The following GPSM1 variants were observed in gnomAD, a reference collection of about 807,000 sequenced individuals.
The protein encoded by GPSM1 is G protein-signaling modulator 1.
In GPSM1, 48 loss-of-function variants were observed where a neutral mutation model predicts 70.5. The ratio of observed to expected loss-of-function variants is 0.68; its 90% CI spans 0.54 to 0.87. GPSM1 has a LOEUF of 0.87. GPSM1 is among the 40% of genes least tolerant of loss of function. GPSM1 has a pLI of 0.00. For synonymous variants in GPSM1, 416 were observed against 430.1 expected (o/e 0.97, Z 0.41); for missense variants, 981 against 972.6 (o/e 1.01, Z -0.11).
intron 1 of GPSM1, among the ~76,000 whole-genome samples, chr9:136,331,690 C>T (rs1554768520): frequency 1.3e-5 from 2 of 152,198 alleles, no homozygotes; most frequent in African/African-American, 4.8e-5. Context: ...GAGGAGTTGG[C>T]GGGTGACTGA....
At chr9:136,355,960 G>A in intron 12 of GPSM1, 114 bp downstream of exon 12, 1 of 861,372 alleles carries the variant, frequency 1.2e-6, no homozygotes, top group Admixed American at 2.8e-5. Flanking sequence ...CAGGCCAGCT[G>A]CAGAGCACCC....
chr9:136,356,921 C>A (rs1475797091), intron 13 of GPSM1, among the ~76,000 whole-genome samples: 4 of 152,186 alleles, frequency 2.6e-5, no homozygotes, highest in African/African-American at 7.2e-5. Flanking sequence ...AAAACACGGG[C>A]CAGATAGCAC....
Position 136,343,774 on chromosome 9 carries a change from C to T in GPSM1, c.1207+2781C>T, listed in dbSNP as rs1554770734. On this transcript the variant is annotated intron_variant, in intron 9 of 13. Transcript: ENST00000440944. This position sits in a 1 kb window ranked among gnomAD's most constrained non-coding sequence, Gnocchi z 6.0. ...AGCCTGAGGGCCCGTAAGCCTGTTG[C>T]GTTCGGGCCCTGGGTGGACGAGGCA... 6.6e-6 allele frequency among the ~76,000 whole-genome samples: 1 copy of T among 152,184 alleles called. No homozygotes were observed. The highest frequency in any genetic ancestry group is 1.5e-5 in the Non-Finnish European group (1 of 68,028).
At chr9:136,351,883 G>A (rs912037436) in intron 11 of GPSM1, among the ~76,000 whole-genome samples, 4 of 152,258 alleles carry the variant, frequency 2.6e-5, no homozygotes, top group African/African-American at 4.8e-5. Flanking sequence ...AGTAAGGACC[G>A]TCTGCACCCT....
intron 4 of GPSM1, 77 bp downstream of exon 4, chr9:136,337,149 C>CCGGCCTGCTGTCTCCCTGGGAGATTGTGG: frequency 7.5e-7 from 1 of 1,327,376 alleles, no homozygotes; most frequent in Non-Finnish European, 1.0e-6. Flanking sequence ...TCCAGACCCC[C>CCGGCCTGCTGTCTCCCTGGGAGATTGTGG]GACCCCAGCC....
rs1004533254 is a variant in GPSM1 at position 136,340,780 on chromosome 9, C to T, written c.1084-90C>T. On this transcript the variant is annotated intron_variant, in intron 8 of 13. Transcript: ENST00000440944. The surrounding 1 kb of genome is among the most constrained non-coding windows in gnomAD (Gnocchi z 7.3). ...TTCAGGTCACTCAGAAGGTCAGGGACGGGTGTACTGGGGGCCATTAAGGTC... is the reference window on the plus strand; with the variant it reads ...TTCAGGTCACTCAGAAGGTCAGGGATGGGTGTACTGGGGGCCATTAAGGTC... 68 of 1,464,256 alleles carry T rather than the reference C, an allele frequency of 4.6e-5. No homozygotes were observed. Among genetic ancestry groups the T allele is most frequent in the Middle Eastern group, 2.5e-4 (1 of 4,012 alleles). The allele number at this position is 1,464,256 out of a possible 1,614,324, so 90.7% of individuals were successfully genotyped here.
In GPSM1 at chr9:136,341,233, G is replaced by C; in HGVS notation, c.1207+240G>C. The C allele has an allele frequency of 6.6e-7, 1 of 1,513,346 alleles. No homozygotes were observed. The highest frequency in any genetic ancestry group is 8.9e-7 in the Non-Finnish European group (1 of 1,127,286). The allele number at this position is 1,513,346 out of a possible 1,614,324, so 93.7% of individuals were successfully genotyped here. ...GCTGCTGGATGAAGGACAGGAGGTGGTCGCCTGTTGCCCCACTGGCTGCTC... is the reference window on the plus strand; with the variant it reads ...GCTGCTGGATGAAGGACAGGAGGTGCTCGCCTGTTGCCCCACTGGCTGCTC... On this transcript the variant is annotated intron_variant, in intron 9 of 13. Coordinates refer to ENST00000440944, the MANE Select transcript of GPSM1 (RefSeq NM_001145638.3). The surrounding 1 kb of genome is among the most constrained non-coding windows in gnomAD (Gnocchi z 6.7).
At chr9:136,348,265 C>T (rs1554771562) in intron 9 of GPSM1, among the ~76,000 whole-genome samples, 2 of 152,202 alleles carry the variant, frequency 1.3e-5, no homozygotes, top group African/African-American at 4.8e-5. Flanking sequence ...CACAGGCCCG[C>T]CCCACCTGCC....
chr9:136,358,380 G>A lies in GPSM1; in HGVS notation c.*160G>A, dbSNP rs529653724. On this transcript the variant is annotated 3_prime_UTR_variant, in exon 14 of 14. Coordinates refer to ENST00000440944, the MANE Select transcript of GPSM1 (RefSeq NM_001145638.3). ...GCGACAGGCTCAGGCCAAGCTGCCC[G>A]TGGTGGGAGGGCGTGCTTCCATCCC... 40 of 680,456 alleles carry A rather than the reference G, an allele frequency of 5.9e-5. No homozygotes were observed. Among genetic ancestry groups the A allele is most frequent in the South Asian group, 5.1e-4 (28 of 54,620 alleles). 42.2% of individuals were successfully genotyped at this position (680,456 alleles called of 1,614,324 possible). A position where few individuals can be genotyped will look rare whatever the true frequency, so the allele number is the denominator to read the frequency against.
chr9:136,352,221 ACACCGATGCTG>A lies in GPSM1; in HGVS notation c.1455+2460_1455+2470del, dbSNP rs1832688281. ...CGATGCTGCGCCGTTGCTGTTGGTG[ACACCGATGCTG>A]CGCCGTTGCTGTTGGTGACACCGAT... On this transcript the variant is annotated intron_variant, in intron 11 of 13. Transcript: ENST00000440944. Among the ~76,000 whole-genome samples the A allele has an allele frequency of 6.7e-5, 4 of 59,362 alleles. 2 individuals carry two copies. The highest frequency in any genetic ancestry group is 1.4e-4 in the African/African-American group (2 of 13,880). The allele number at this position is 59,362 out of a possible 152,430, so 38.9% of individuals were successfully genotyped here.
At chr9:136,353,712 G>T (rs1554772496) in intron 11 of GPSM1, among the ~76,000 whole-genome samples, 1 of 152,214 alleles carries the variant, frequency 6.6e-6, no homozygotes. Flanking sequence ...ACCTTGCTCA[G>T]TCCACCTGGG....
chr9:136,344,436 G>A (rs1832472570), intron 9 of GPSM1, among the ~76,000 whole-genome samples: 1 of 152,220 alleles, frequency 6.6e-6, no homozygotes, highest in African/African-American at 2.4e-5. Context: ...TCGGGTGCTG[G>A]CGAGAGCCTC....
rs144234643 is a variant in GPSM1 at position 136,356,422 on chromosome 9, G to C, written c.1693G>C (p.Asp565His). ...CAGCTCCCAGAGCCGCCGGCTGGAC[G>C]ACCAGCGGGCCAGCGTGGGCAGCCT... ...IASSQSRRLD[D>H]QRASVGSLPG... The change falls in exon 13 of 14, where the codon GAC (aspartate) becomes CAC (histidine). Residue 565 changes from aspartate (D) to histidine (H), a missense_variant. Transcript: ENST00000440944. The C allele has an allele frequency of 5.0e-6, 8 of 1,610,206 alleles. No individual in the cohort carries two copies. The South Asian group carries it at 5.5e-5, about 11-fold the overall frequency.
intron 9 of GPSM1, among the ~76,000 whole-genome samples, chr9:136,344,387 C>T (rs577457085): frequency 4.1e-4 from 62 of 152,312 alleles, no homozygotes; most frequent in Middle Eastern, 3.4e-3. Flanking sequence ...CTCCTCACGG[C>T]TCTGGAGGCC....
At position 136,341,615 on chromosome 9, in the gene GPSM1, G is replaced by A; in HGVS notation, c.1207+622G>A. The A allele has an allele frequency of 4.9e-6, 5 of 1,015,296 alleles. No homozygotes were observed. The highest frequency in any genetic ancestry group is 5.9e-6 in the Non-Finnish European group (5 of 847,452). The allele number at this position is 1,015,296 out of a possible 1,614,324, so 62.9% of individuals were successfully genotyped here. On this transcript the variant is annotated intron_variant, in intron 9 of 13. Coordinates refer to ENST00000440944, the MANE Select transcript of GPSM1 (RefSeq NM_001145638.3). This position sits in a 1 kb window ranked among gnomAD's most constrained non-coding sequence, Gnocchi z 6.7. ...CCTGAGGTGGCTGGCAGGTGGGTGA[G>A]GGGCAGGCTTGGGGGGAGCAGCTGC...
intron 11 of GPSM1, chr9:136,353,207 G>A (rs531277693): frequency 6.4e-4 from 418 of 655,616 alleles, no homozygotes; most frequent in Non-Finnish European, 7.7e-4. Flanking sequence ...GGGAGCACAC[G>A]GGCCTCTGTG....
At chr9:136,328,476 G>A (rs1832029848) in intron 1 of GPSM1, among the ~76,000 whole-genome samples, 1 of 152,208 alleles carries the variant, frequency 6.6e-6, no homozygotes, top group African/African-American at 2.4e-5. Context: ...TTGCGAATGG[G>A]TGGCAGCCGT....
intron 9 of GPSM1, among the ~76,000 whole-genome samples, chr9:136,346,136 C>T (rs1554771229): frequency 6.6e-6 from 1 of 152,236 alleles, no homozygotes; most frequent in Non-Finnish European, 1.5e-5. Flanking sequence ...GTGCCTCTGG[C>T]CGCACAGGTT....
chr9:136,353,175 G>C (rs1357198645), intron 11 of GPSM1: 4 of 910,866 alleles, frequency 4.4e-6, no homozygotes, highest in African/African-American at 1.8e-5. Context: ...GGGTCCCTGG[G>C]GTCCTAACAG....
Sources: gnomAD v4.1 joint callset for allele counts (sites outside exome capture counted in the v4.1 genomes callset) on GRCh38, gnomAD v4.1.1 for gene constraint, Gnocchi (gnomAD v3.1) non-coding constraint, MANE v1.5 for transcripts, NCBI Gene and HGNC (gene_info 2026-07-23, HGNC 2026-07-21) for gene names.